DNAH12: variants seen among roughly 807,000 people sequenced by gnomAD.
DNAH12 encodes the protein dynein axonemal heavy chain 12.
DNAH12 carries 285 observed loss-of-function variants against 371.5 expected under a neutral mutation model. The observed-to-expected ratio is 0.77, with a 90% confidence interval of 0.70 to 0.85. The LOEUF (loss-of-function observed/expected upper bound fraction) is 0.85, where lower values mean the gene tolerates loss of function less well. DNAH12 is among the 40% of genes least tolerant of loss of function. The probability of loss-of-function intolerance (pLI) is 0.00; values close to 1 mark genes in which losing one functional copy is unlikely to be tolerated. For synonymous variants in DNAH12, 1,200 were observed against 1,213.0 expected (o/e 0.99, Z 0.22); for missense variants, 3,611 against 3,689.4 (o/e 0.98, Z 0.55).
At chr3:57,323,356 C>T (rs959961095) in intron 63 of DNAH12, 96 bp from the exon 64 acceptor site, 31 of 1,473,464 alleles carry the variant, frequency 2.1e-5, no homozygotes, top group Middle Eastern at 3.5e-4. Flanking sequence ...ATTCTAGTTA[C>T]GTTTCTCTGT....
chr3:57,475,654 A>G (rs181821803), intron 13 of DNAH12, among the ~76,000 whole-genome samples: 18 of 152,322 alleles, frequency 1.2e-4, no homozygotes, highest in Non-Finnish European at 1.6e-4. Flanking sequence ...CTATCATTTC[A>G]CAAAAGAGGC....
chr3:57,309,521 A>C, intron 68 of DNAH12, 145 bp downstream of exon 68: 1 of 826,792 alleles, frequency 1.2e-6, no homozygotes, highest in Non-Finnish European at 1.8e-6. Context: ...TAGTATTATC[A>C]CCATTTAACG....
chr3:57,541,038 C>T (rs2069257062), intron 2 of DNAH12, among the ~76,000 whole-genome samples: 1 of 151,628 alleles, frequency 6.6e-6, no homozygotes, highest in South Asian at 2.1e-4. Context: ...TGCATCTCTC[C>T]CCCTCCCTTT....
chr3:57,467,259 C>T (rs1195486830), intron 17 of DNAH12, among the ~76,000 whole-genome samples: 1 of 152,118 alleles, frequency 6.6e-6, no homozygotes, highest in Non-Finnish European at 1.5e-5. Flanking sequence ...GCTGGGATTA[C>T]AGGTATGCAC....
chr3:57,423,958 C>T (rs1008251992), intron 35 of DNAH12, among the ~76,000 whole-genome samples: 4 of 151,628 alleles, frequency 2.6e-5, no homozygotes, highest in Admixed American at 6.6e-5. Context: ...AGGCTGGTCT[C>T]GAACTCCTGA....
At chr3:57,420,487 A>G (rs1337946836) in intron 36 of DNAH12, among the ~76,000 whole-genome samples, 1 of 152,190 alleles carries the variant, frequency 6.6e-6, no homozygotes, top group African/African-American at 2.4e-5. Context: ...TTATATATGT[A>G]CATATTTTAC....
chr3:57,311,492 A>G lies in DNAH12; in HGVS notation c.10663-542T>C, dbSNP rs538949601. ...AAAAAAAGACGACATGGAAATTACC[A>G]AGTATTTTTCATATGAATGTGGATA... is the stretch of plus-strand genomic sequence containing the variant. On this transcript the variant is annotated intron_variant, in intron 66 of 73. Transcript: ENST00000495027. Among the ~76,000 whole-genome samples the G allele has an allele frequency of 1.7e-4, 26 of 152,380 alleles. 1 individual carries two copies. In the South Asian group the frequency reaches 5.4e-3, roughly 32 times the overall value.
chr3:57,464,336 G>T (rs1241761372), intron 17 of DNAH12, among the ~76,000 whole-genome samples: 2 of 152,002 alleles, frequency 1.3e-5, no homozygotes, highest in South Asian at 2.1e-4. Context: ...TGTCCCACAG[G>T]TCTCCTGGGC....
intron 30 of DNAH12, among the ~76,000 whole-genome samples, chr3:57,434,750 A>C (rs1559655055): frequency 2.6e-5 from 4 of 152,220 alleles, no homozygotes; most frequent in Non-Finnish European, 1.5e-5. Context: ...CCTGGAAGAC[A>C]GCTAATTACC....
Position 57,437,003 on chromosome 3 carries a change from A to T in DNAH12, c.4603T>A (p.Phe1535Ile). Residue 1535 changes from phenylalanine to isoleucine, a missense_variant, in exon 30 of 74, where the codon TTT becomes ATT. Transcript: ENST00000495027. ...CNVHNLQPVK[F>I]FLEKIIQTYE... The stretch of plus-strand genomic sequence containing the variant: ...GTTTGAATTATTTTTTCAAGAAAAA[A>T]TTTAACAGGCTGAAGATTATGTACA... The T allele has an allele frequency of 6.6e-7, 1 of 1,513,700 alleles. No individual in the cohort carries two copies. The highest frequency in any genetic ancestry group is 8.8e-7 in the Non-Finnish European group (1 of 1,137,554). The allele number at this position is 1,513,700 out of a possible 1,614,324, so 93.8% of individuals were successfully genotyped here. A position where few individuals can be genotyped will look rare whatever the true frequency, so the allele number is the denominator to read the frequency against.
intron 17 of DNAH12, among the ~76,000 whole-genome samples, chr3:57,467,328 G>A (rs2066233975): frequency 6.6e-6 from 1 of 151,876 alleles, no homozygotes; most frequent in Non-Finnish European, 1.5e-5. Context: ...TATTGGCCAG[G>A]CTGGTCTCGA....
intron 60 of DNAH12, among the ~76,000 whole-genome samples, chr3:57,337,335 C>T (rs1159874041): frequency 2.0e-5 from 3 of 151,336 alleles, no homozygotes; most frequent in Non-Finnish European, 4.4e-5. Context: ...TAGGGAGACC[C>T]TCTATTTTAA....
intron 70 of DNAH12, among the ~76,000 whole-genome samples, chr3:57,299,531 A>G (rs1408385747): frequency 6.6e-6 from 1 of 152,032 alleles, no homozygotes; most frequent in East Asian, 1.9e-4. Context: ...GAAGGAGAGA[A>G]TGTGAAGATG....
intron 43 of DNAH12, chr3:57,402,341 G>C (rs1210323786): frequency 8.2e-7 from 1 of 1,226,250 alleles, no homozygotes; most frequent in East Asian, 5.7e-5. Context: ...TCATCTCTCT[G>C]TTGGGGCTAC....
At chr3:57,479,372 T>C (rs969590385) in intron 13 of DNAH12, among the ~76,000 whole-genome samples, 1 of 152,116 alleles carries the variant, frequency 6.6e-6, no homozygotes, top group Non-Finnish European at 1.5e-5. Flanking sequence ...AAGAGCTAAC[T>C]ATCCTAAATA....
At chr3:57,314,978 T>C (rs973104889) in intron 65 of DNAH12, among the ~76,000 whole-genome samples, 4 of 152,320 alleles carry the variant, frequency 2.6e-5, no homozygotes, top group East Asian at 1.9e-4. Flanking sequence ...TGCTGGCATA[T>C]GCTTGAGACT....
At chr3:57,355,480 T>G (rs989874986) in intron 59 of DNAH12, among the ~76,000 whole-genome samples, 1 of 146,480 alleles carries the variant, frequency 6.8e-6, no homozygotes, top group Admixed American at 6.9e-5. Context: ...TATAGCATTT[T>G]ATGCCTAAAT....
rs555754697 is a variant in DNAH12, at chr3:57,433,637, T to G, written c.4839+8A>C. 1.9e-6 allele frequency: 3 copies of G among 1,542,804 alleles called. No individual in the cohort carries two copies. The African/African-American group carries it at 4.1e-5, about 21-fold the overall frequency. ...TAAGAGAGTTGGGAATACTTATATT[T>G]AGGTTACCTCATGAGACACTGGGTC... On this transcript the variant is annotated splice_region_variant and intron_variant, in intron 31 of 73. Transcript: ENST00000495027.
At chr3:57,427,630 C>A (rs112638504) in intron 34 of DNAH12, among the ~76,000 whole-genome samples, 2 of 151,854 alleles carry the variant, frequency 1.3e-5, no homozygotes, top group Non-Finnish European at 1.5e-5. Context: ...ACAGAGGTTG[C>A]GGTGAACCAA....
Sources: gnomAD v4.1 joint callset for allele counts (sites outside exome capture counted in the v4.1 genomes callset) on GRCh38, gnomAD v4.1.1 for gene constraint, MANE v1.5 for transcripts, NCBI Gene and HGNC (gene_info 2026-07-23, HGNC 2026-07-21) for gene names.